NTN5: variants seen among roughly 807,000 people sequenced by gnomAD.
The protein encoded by NTN5 is netrin-5.
Under a neutral mutation model 38.7 loss-of-function variants are expected in NTN5, and 42 were observed. That is an observed-to-expected ratio of 1.08 (90% CI 0.85 to 1.40). The LOEUF is 1.40. Ranked by LOEUF, NTN5 falls within the 40% of genes most tolerant of loss-of-function variation. The pLI, the probability that NTN5 is intolerant of heterozygous loss-of-function variation, is 0.00. For missense variants in NTN5, 658 were observed against 716.5 expected (o/e 0.92, Z 0.93); for synonymous variants, 329 against 303.9 (o/e 1.08, Z -0.86).
At chr19:48,663,626 T>C in intron 5 of NTN5, 83 bp from the exon 6 acceptor site, 1 of 1,527,410 alleles carries the variant, frequency 6.5e-7, no homozygotes. Context: ...CCGTTCCATC[T>C]TGATGGCCAG....
At chr19:48,663,278 C>G in intron 6 of NTN5, 185 bp downstream of exon 6, 1 of 697,380 alleles carries the variant, frequency 1.4e-6, no homozygotes, top group Non-Finnish European at 2.6e-6. Flanking sequence ...GTAGTGAATG[C>G]CCCCTCCCCA....
intron 6 of NTN5, chr19:48,662,976 TGTCTTAAGA>T: frequency 3.4e-6 from 1 of 296,226 alleles, no homozygotes. Flanking sequence ...AACTCCTGAG[TGTCTTAAGA>T]GAGCTGAATA....
Position 48,661,734 on chromosome 19 carries a change from G to A in NTN5, c.1413C>T (p.Arg471=). ...CCCGCACGCCGCGGCAGCCTCCGGC[G>A]CGCTCCTCCTGCTGCAGCCGCTTCA... The part of the protein sequence containing the change: ...RPLKRLQQEE[R]AGGCRGVRAP... Residue 471 remains arginine (R), a synonymous_variant, in exon 7 of 7, where the codon CGC becomes CGT. Coordinates refer to ENST00000270235, the MANE Select transcript of NTN5 (RefSeq NM_145807.4). The A allele has an allele frequency of 6.5e-7, 1 of 1,542,812 alleles. No individual in the cohort carries two copies. Among genetic ancestry groups the A allele is most frequent in the Non-Finnish European group, 8.7e-7 (1 of 1,155,178 alleles).
At chr19:48,663,416 C>A in intron 6 of NTN5, 47 bp downstream of exon 6, 1 of 1,544,180 alleles carries the variant, frequency 6.5e-7, no homozygotes, top group Non-Finnish European at 9.0e-7. Flanking sequence ...AAGCAGTCAT[C>A]AGAACCAGCT....
intron 2 of NTN5, among the ~76,000 whole-genome samples, chr19:48,669,138 T>C (rs1484173179): frequency 3.5e-5 from 2 of 57,804 alleles, no homozygotes; most frequent in African/African-American, 7.7e-5. Flanking sequence ...CATCATCATA[T>C]CACCATCATC....
At position 48,663,754 on chromosome 19, in the gene NTN5, G is replaced by A; in HGVS notation, c.1024+7C>T. 2 of 1,613,846 alleles carry A rather than the reference G, an allele frequency of 1.2e-6. No individual in the cohort carries two copies. The highest frequency in any genetic ancestry group is 2.2e-5 in the South Asian group (2 of 91,076). ...CACTCAGGGACCTCCGTGCCAGACT[G>A]TCTTACCAGAGCTATAAGCACCAGG... is the stretch of plus-strand genomic sequence containing the variant. On this transcript the variant is annotated splice_region_variant and intron_variant, in intron 5 of 6. Transcript: ENST00000270235.
At chr19:48,662,685 C>T (rs2031581271) in intron 6 of NTN5, 1 of 153,294 alleles carries the variant, frequency 6.5e-6, no homozygotes, top group Non-Finnish European at 1.5e-5. Context: ...GAACTCCTGA[C>T]CTCAAGTGAT....
Position 48,661,808 on chromosome 19 carries a change from C to T in NTN5, c.1339G>A (p.Asp447Asn). 3 of 1,353,014 alleles carry T rather than the reference C, an allele frequency of 2.2e-6. No homozygotes were observed. The highest frequency in any genetic ancestry group is 2.8e-6 in the Non-Finnish European group (3 of 1,059,214). 83.8% of individuals were successfully genotyped at this position (1,353,014 alleles called of 1,614,324 possible). ...GDPDPTRLIL[D>N]RHGLALPWRP... ...CATGGCAGCGCGAGGCCGTGGCGGT[C>T]GAGGATGAGGCGCGTGGGGTCGGGG... is the stretch of plus-strand genomic sequence containing the variant. Residue 447 changes from aspartate to asparagine, a missense_variant, in exon 7 of 7, where the codon GAC (aspartate) becomes AAC (asparagine). Asp to Asn is a conservative substitution (Grantham distance 23). Transcript: ENST00000270235.
At chr19:48,671,781 G>C (rs1200782399) in intron 1 of NTN5, among the ~76,000 whole-genome samples, 1 of 152,072 alleles carries the variant, frequency 6.6e-6, no homozygotes, top group Non-Finnish European at 1.5e-5. Context: ...GGCACGGAAG[G>C]GGATTATCAC....
At chr19:48,667,364 C>T in intron 2 of NTN5, 1 of 418,668 alleles carries the variant, frequency 2.4e-6, no homozygotes, top group South Asian at 1.7e-5. Context: ...AGGGCACTGC[C>T]CTGCTCAGTC....
intron 1 of NTN5, among the ~76,000 whole-genome samples, chr19:48,671,221 A>G (rs2031954728): frequency 6.6e-6 from 1 of 152,102 alleles, no homozygotes; most frequent in Admixed American, 6.5e-5. Flanking sequence ...TTTTGCCTGA[A>G]CTAATCCGTA....
Position 48,661,493 on chromosome 19 carries a change from A to T in NTN5, c.*184T>A. ...CCAAAGGAGGAAATGTTGGGACCAG[A>T]AGTCCCGCTTGCCGCCTTTTGCTAA... On this transcript the variant is annotated 3_prime_UTR_variant, in exon 7 of 7. Transcript: ENST00000270235. 1.7e-6 allele frequency: 1 copy of T among 592,586 alleles called. No homozygotes were observed. The highest frequency in any genetic ancestry group is 2.6e-6 in the Non-Finnish European group (1 of 385,184). The allele number at this position is 592,586 out of a possible 1,614,324, so 36.7% of individuals were successfully genotyped here. A position where few individuals can be genotyped will look rare whatever the true frequency, so the allele number is the denominator to read the frequency against.
At chr19:48,668,404 GC>G (rs140311833) in intron 2 of NTN5, among the ~76,000 whole-genome samples, 1,908 of 152,276 alleles carry the variant, frequency 0.013, 50 homozygotes, top group African/African-American at 0.044. Context: ...TAAAGGATGT[GC>G]TGTTACTATC....
At chr19:48,662,068 G>A (rs1396194410) in intron 6 of NTN5, 27 bp from the exon 7 acceptor site, 6 of 1,425,092 alleles carry the variant, frequency 4.2e-6, no homozygotes, top group Non-Finnish European at 5.5e-6. Context: ...TGTCAGCCCA[G>A]GTCGTGGGGA....
chr19:48,670,976 G>T lies in NTN5; in HGVS notation c.11C>A (p.Thr4Asn). ...GCCCAGGAGGAGCAGGAGGGCAAAG[G>T]TCACGGGCATGGTCACAGCAGAGCC... Reference protein sequence around the residue: MPVTFALLLLLGQA... With the variant: MPVNFALLLLLGQA... The change falls in exon 2 of 7, where the codon ACC becomes AAC. Residue 4 changes from threonine (T) to asparagine (N), a missense_variant. Transcript: ENST00000270235. The T allele has an allele frequency of 1.3e-6, 2 of 1,536,936 alleles. No homozygotes were observed. The highest frequency in any genetic ancestry group is 1.8e-6 in the Non-Finnish European group (2 of 1,142,112).
intron 2 of NTN5, 111 bp from the exon 3 acceptor site, chr19:48,664,878 G>A: frequency 1.1e-6 from 1 of 909,810 alleles, no homozygotes; most frequent in Non-Finnish European, 1.5e-6. Context: ...AGTGTCCAAG[G>A]TAGAAGAGAA....
intron 1 of NTN5, 86 bp from the exon 2 acceptor site, chr19:48,671,092 C>T (rs1426129641): frequency 4.0e-6 from 4 of 1,007,182 alleles, no homozygotes; most frequent in Non-Finnish European, 5.6e-6. Flanking sequence ...TGGGGCATTC[C>T]ACCCCCAACC....
intron 1 of NTN5, among the ~76,000 whole-genome samples, chr19:48,672,535 G>A (rs1027308402): frequency 6.6e-6 from 1 of 152,152 alleles, no homozygotes; most frequent in Non-Finnish European, 1.5e-5. Context: ...GACAGGCCTC[G>A]CCCTCCGCCC....
At chr19:48,663,059 ACAAG>A in intron 6 of NTN5, 1 of 380,868 alleles carries the variant, frequency 2.6e-6, no homozygotes, top group Non-Finnish European at 5.2e-6. Context: ...GAACCGTGGG[ACAAG>A]TCTTTATGGG....
Sources: gnomAD v4.1 joint callset for allele counts (sites outside exome capture counted in the v4.1 genomes callset) on GRCh38, gnomAD v4.1.1 for gene constraint, MANE v1.5 for transcripts, NCBI Gene and HGNC (gene_info 2026-07-23, HGNC 2026-07-21) for gene names.